DUOXA1: variants seen among roughly 807,000 people sequenced by gnomAD.
DUOXA1 encodes the protein dual oxidase maturation factor 1, also known as dual oxidase activator 1.
A neutral mutation model predicts 26.6 loss-of-function variants in DUOXA1; 19 were observed. The ratio of observed to expected loss-of-function variants is 0.71; its 90% CI spans 0.50 to 1.05. The LOEUF is 1.05. Among genes scored for constraint, DUOXA1 ranks in the 50% least tolerant of loss-of-function variants. The probability of loss-of-function intolerance (pLI) is 0.00; values close to 1 mark genes in which losing one functional copy is unlikely to be tolerated. For missense variants in DUOXA1, 403 were observed against 427.5 expected (o/e 0.94, Z 0.51); for synonymous variants, 166 against 177.0 (o/e 0.94, Z 0.49).
intron 3 of DUOXA1, among the ~76,000 whole-genome samples, chr15:45,124,743 T>C (rs1193424346): frequency 1.3e-5 from 2 of 152,078 alleles, no homozygotes; most frequent in East Asian, 3.9e-4. Flanking sequence ...GAGCTCCTGA[T>C]CTCAAGCAAT....
At position 45,129,547 on chromosome 15, in the gene DUOXA1, G is replaced by A. The variant is rs1895997993; in HGVS notation, c.-234C>T. The A allele has an allele frequency of 6.5e-6, 1 of 152,792 alleles. No homozygotes were observed. The highest frequency in any genetic ancestry group is 1.5e-5 in the Non-Finnish European group (1 of 68,198). 9.5% of individuals were successfully genotyped at this position (152,792 alleles called of 1,614,324 possible). On this transcript the variant is annotated 5_prime_UTR_variant, in exon 2 of 9. Transcript: ENST00000560572. The surrounding 1 kb of genome is among the most constrained non-coding windows in gnomAD (Gnocchi z 4.1). ...AAGACCTCACGAGGATCCCCGGAGG[G>A]AGACGTGACTCCGGGGTCTTAGAGG...
intron 3 of DUOXA1, among the ~76,000 whole-genome samples, chr15:45,125,048 T>G (rs1004681585): frequency 1.5e-4 from 23 of 152,200 alleles, no homozygotes; most frequent in Non-Finnish European, 1.5e-4. Flanking sequence ...CACCTTCTTG[T>G]GTTGTCTGTG....
chr15:45,120,963 C>A (rs955097066), intron 6 of DUOXA1, 124 bp downstream of exon 6: 4 of 1,534,318 alleles, frequency 2.6e-6, no homozygotes, highest in African/African-American at 2.7e-5. Flanking sequence ...TGCCTCTGAC[C>A]TCCCACCTCA....
chr15:45,118,122 A>T lies in DUOXA1; in HGVS notation c.*984T>A. On this transcript the variant is annotated 3_prime_UTR_variant, in exon 9 of 9. Transcript: ENST00000560572. ...TTTTTAAAAACTGTTTTTCCCATTA[A>T]TTTTCATGGCTTCTCCGCGCCGGGG... 6.9e-7 allele frequency: 1 copy of T among 1,449,918 alleles called. No individual in the cohort carries two copies. Among genetic ancestry groups the T allele is most frequent in the Non-Finnish European group, 9.0e-7 (1 of 1,105,964 alleles). 89.8% of individuals were successfully genotyped at this position (1,449,918 alleles called of 1,614,324 possible). A position where few individuals can be genotyped will look rare whatever the true frequency, so the allele number is the denominator to read the frequency against.
rs781608297 is a variant in DUOXA1, at chr15:45,118,088, T to G, written c.*1018A>C. 2 of 1,514,486 alleles carry G rather than the reference T, an allele frequency of 1.3e-6. No individual in the cohort carries two copies. Among genetic ancestry groups the G allele is most frequent in the Non-Finnish European group, 1.8e-6 (2 of 1,133,788 alleles). The allele number at this position is 1,514,486 out of a possible 1,614,324, so 93.8% of individuals were successfully genotyped here. ...GGGCGATCTGTAAATAAACCTTTTT[T>G]TCTTTTGTTTTTTAAAAACTGTTTT... On this transcript the variant is annotated 3_prime_UTR_variant, in exon 9 of 9. Coordinates refer to ENST00000560572, the MANE Select transcript of DUOXA1 (RefSeq NM_001276266.2).
rs150014419 is a variant in DUOXA1 at position 45,118,079 on chromosome 15, A to G, written c.*1027T>C. 1.3e-6 allele frequency: 2 copies of G among 1,530,798 alleles called. No homozygotes were observed. Among genetic ancestry groups the G allele is most frequent in the Non-Finnish European group, 1.8e-6 (2 of 1,140,886 alleles). 94.8% of individuals were successfully genotyped at this position (1,530,798 alleles called of 1,614,324 possible). Reference sequence around the variant, plus strand: ...AGTCTCCTGGGGCGATCTGTAAATAAACCTTTTTTTCTTTTGTTTTTTAAA... The same window carrying G: ...AGTCTCCTGGGGCGATCTGTAAATAGACCTTTTTTTCTTTTGTTTTTTAAA... On this transcript the variant is annotated 3_prime_UTR_variant, in exon 9 of 9. Coordinates refer to ENST00000560572, the MANE Select transcript of DUOXA1 (RefSeq NM_001276266.2).
At chr15:45,125,097 A>G (rs1470086423) in intron 3 of DUOXA1, among the ~76,000 whole-genome samples, 2 of 152,168 alleles carry the variant, frequency 1.3e-5, no homozygotes, top group South Asian at 2.1e-4. Flanking sequence ...AGAAAGACAG[A>G]CAGTTTTAAC....
chr15:45,121,336 C>T (rs1194241392), intron 5 of DUOXA1, 115 bp from the exon 6 acceptor site: 11 of 1,446,648 alleles, frequency 7.6e-6, no homozygotes, highest in East Asian at 2.4e-5. Flanking sequence ...ACTGGATACC[C>T]GTTAACTAGC....
intron 5 of DUOXA1, 130 bp from the exon 6 acceptor site, chr15:45,121,351 G>A: frequency 7.4e-7 from 1 of 1,357,270 alleles, no homozygotes; most frequent in Non-Finnish European, 1.0e-6. Flanking sequence ...ACTAGCCAGG[G>A]TCTGGCTCAT....
chr15:45,122,367 A>AG, intron 4 of DUOXA1, 125 bp from the exon 5 acceptor site: 1 of 883,978 alleles, frequency 1.1e-6, no homozygotes, highest in East Asian at 2.7e-5. Flanking sequence ...TTGAAATCAG[A>AG]GTGTCTGGCA....
In DUOXA1 at chr15:45,124,769, T is replaced by A. The variant is rs145100569; in HGVS notation, c.-29-1726A>T. ...CTCAAGCAATCCACCATCCTTGGCCTCCCAAAGTGCTGGGATTACAGGCAT... is the reference window on the plus strand; with the variant it reads ...CTCAAGCAATCCACCATCCTTGGCCACCCAAAGTGCTGGGATTACAGGCAT... On this transcript the variant is annotated intron_variant, in intron 3 of 8. Coordinates refer to ENST00000560572, the MANE Select transcript of DUOXA1 (RefSeq NM_001276266.2). Among the ~76,000 whole-genome samples, 1,045 of 152,244 alleles carry A rather than the reference T, an allele frequency of 6.9e-3. 15 individuals carry two copies. The highest frequency in any genetic ancestry group is 0.025 in the African/African-American group (1,019 of 41,554).
At chr15:45,120,568 A>C (rs764201573) in intron 7 of DUOXA1, 24 bp downstream of exon 7, 7 of 1,612,216 alleles carry the variant, frequency 4.3e-6, no homozygotes, top group African/African-American at 2.7e-5. Context: ...CAGGGCCTCC[A>C]CCCCGTCTCC....
chr15:45,117,501 G>T lies in DUOXA1; in HGVS notation c.*1605C>A. 4 of 1,552,868 alleles carry T rather than the reference G, an allele frequency of 2.6e-6. No individual in the cohort carries two copies. Among genetic ancestry groups the T allele is most frequent in the Non-Finnish European group, 3.5e-6 (4 of 1,147,422 alleles). On this transcript the variant is annotated 3_prime_UTR_variant, in exon 9 of 9. Transcript: ENST00000560572. ...GCTCAGAAGGGTTTGGTGTCTTGCC[G>T]TGTTTCATGTAATTCAGATTAGAGG...
At chr15:45,123,876 T>C (rs1417336052) in intron 3 of DUOXA1, among the ~76,000 whole-genome samples, 2 of 152,228 alleles carry the variant, frequency 1.3e-5, no homozygotes, top group Non-Finnish European at 2.9e-5. Context: ...GACAGGATAT[T>C]GGGAAAATGG....
intron 5 of DUOXA1, 142 bp from the exon 6 acceptor site, chr15:45,121,363 G>T: frequency 8.1e-7 from 1 of 1,238,508 alleles, no homozygotes; most frequent in Non-Finnish European, 1.1e-6. Context: ...CTGGCTCATG[G>T]TAAGTCTGCC....
At position 45,119,211 on chromosome 15, in the gene DUOXA1, G is replaced by A. The variant is rs1894904947; in HGVS notation, c.927C>T (p.Ser309=). ...EGGLLSPRYR[S]MADSPKSQDI... ...CCTGGGACTTGGGACTGTCAGCCAT[G>A]GACCGGTAGCGGGGGCTCAGGAGTC... Residue 309 remains serine (S), a synonymous_variant, in exon 9 of 9, where the codon TCC becomes TCT. Coordinates refer to ENST00000560572, the MANE Select transcript of DUOXA1 (RefSeq NM_001276266.2). The A allele has an allele frequency of 3.1e-6, 5 of 1,614,134 alleles. No individual in the cohort carries two copies. The highest frequency in any genetic ancestry group is 2.7e-5 in the African/African-American group (2 of 75,044).
In DUOXA1 at chr15:45,117,563, A is replaced by C; in HGVS notation, c.*1543T>G. The C allele has an allele frequency of 6.3e-7, 1 of 1,593,492 alleles. No individual in the cohort carries two copies. Among genetic ancestry groups the C allele is most frequent in the Non-Finnish European group, 8.6e-7 (1 of 1,169,236 alleles). ...AGGTAACACAAGGGGTAGGCTCCAA[A>C]AGATGGAAGAAGGCCCGGGCATCAC... On this transcript the variant is annotated 3_prime_UTR_variant, in exon 9 of 9. Coordinates refer to ENST00000560572, the MANE Select transcript of DUOXA1 (RefSeq NM_001276266.2).
In DUOXA1 at chr15:45,120,816, A is replaced by T; in HGVS notation, c.341-11T>A. The T allele has an allele frequency of 6.2e-7, 1 of 1,613,926 alleles. No homozygotes were observed. The highest frequency in any genetic ancestry group is 8.5e-7 in the Non-Finnish European group (1 of 1,179,902). On this transcript the variant is annotated splice_polypyrimidine_tract_variant and intron_variant, in intron 6 of 8. Transcript: ENST00000560572. ...GCTGCACGGGGGTCCCTAGGGCACA[A>T]GGCAGCTCTGCTCAGCAGGAACCCA...
At chr15:45,122,100 G>A (rs1341390187) in intron 5 of DUOXA1, 85 bp downstream of exon 5, 68 of 1,463,654 alleles carry the variant, frequency 4.6e-5, no homozygotes, top group Middle Eastern at 3.4e-4. Flanking sequence ...CACCGCTGTG[G>A]GGAAACAAGG....
Sources: allele counts gnomAD v4.1 joint callset (sites outside exome capture counted in the v4.1 genomes callset), GRCh38; gene constraint gnomAD v4.1.1; non-coding constraint Gnocchi (gnomAD v3.1); transcripts MANE v1.5; gene names NCBI Gene and HGNC (gene_info 2026-07-23, HGNC 2026-07-21).